Variants in MTUS2 observed in about 807,000 individuals in gnomAD.
MTUS2 encodes the protein microtubule associated scaffold protein 2.
MTUS2 carries 40 observed loss-of-function variants against 114.1 expected under a neutral mutation model. That is an observed-to-expected ratio of 0.35 (90% confidence interval 0.27 to 0.46). MTUS2 has a LOEUF of 0.46. MTUS2 is among the 20% of genes least tolerant of loss of function. MTUS2 has a pLI of 1.00. For synonymous variants in MTUS2, 688 were observed against 672.0 expected (o/e 1.02, Z -0.37); for missense variants, 1,679 against 1,705.4 (o/e 0.98, Z 0.27).
intron 2 of MTUS2, among the ~76,000 whole-genome samples, chr13:29,022,055 A>G (rs1232528222): frequency 1.3e-5 from 2 of 152,194 alleles, no homozygotes; most frequent in Non-Finnish European, 2.9e-5. Flanking sequence ...GCAAGCGCAC[A>G]TGCACATGTA....
intron 5 of MTUS2, among the ~76,000 whole-genome samples, chr13:29,235,109 T>A (rs1373925495): frequency 6.6e-6 from 1 of 152,142 alleles, no homozygotes; most frequent in Non-Finnish European, 1.5e-5. Flanking sequence ...TTAATTAATT[T>A]TTTTGAGACC....
chr13:29,314,042 TAA>T (rs923933333), intron 6 of MTUS2, among the ~76,000 whole-genome samples: 1 of 150,734 alleles, frequency 6.6e-6, no homozygotes, highest in Non-Finnish European at 1.5e-5. Context: ...TTCAGGAACT[TAA>T]AAAAAAATGT....
At chr13:29,167,932 A>T (rs369842296) in intron 5 of MTUS2, among the ~76,000 whole-genome samples, 30 of 152,358 alleles carry the variant, frequency 2.0e-4, no homozygotes, top group Non-Finnish European at 3.4e-4. Context: ...AGTACATGAC[A>T]GGCAAGAGGA....
intron 5 of MTUS2, among the ~76,000 whole-genome samples, chr13:29,268,547 G>A (rs865860853): frequency 2.0e-5 from 3 of 152,004 alleles, no homozygotes; most frequent in Admixed American, 1.3e-4. Context: ...TTGCTGGCCC[G>A]AGCCCTGCCC....
At chr13:28,855,663 C>G (rs1392186432) in intron 2 of MTUS2, among the ~76,000 whole-genome samples, 1 of 152,100 alleles carries the variant, frequency 6.6e-6, no homozygotes, top group African/African-American at 2.4e-5. Context: ...TTTTCTTTAT[C>G]CAGTCTATCA....
chr13:29,050,128 A>G (rs1887822370), intron 4 of MTUS2, among the ~76,000 whole-genome samples: 1 of 152,046 alleles, frequency 6.6e-6, no homozygotes, highest in Admixed American at 6.5e-5. Flanking sequence ...CCTACACACA[A>G]CTGCTAGGCC....
At chr13:28,898,904 TG>T (rs1471737802) in intron 2 of MTUS2, among the ~76,000 whole-genome samples, 1 of 152,220 alleles carries the variant, frequency 6.6e-6, no homozygotes, top group Non-Finnish European at 1.5e-5. Context: ...GCCTGCCATA[TG>T]GGTGCTTAAG....
intron 5 of MTUS2, among the ~76,000 whole-genome samples, chr13:29,227,732 C>T (rs1896167737): frequency 6.6e-6 from 1 of 152,204 alleles, no homozygotes; most frequent in South Asian, 2.1e-4. Flanking sequence ...CTGTTGCACA[C>T]TCCACCAAAC....
intron 2 of MTUS2, among the ~76,000 whole-genome samples, chr13:28,873,028 A>G (rs911183810): frequency 1.3e-5 from 2 of 152,252 alleles, no homozygotes; most frequent in African/African-American, 2.4e-5. Flanking sequence ...AGGCAATGAA[A>G]TGATGTCTTT....
At chr13:28,827,764 C>A (rs1874369016) in intron 1 of MTUS2, among the ~76,000 whole-genome samples, 1 of 152,114 alleles carries the variant, frequency 6.6e-6, no homozygotes, top group South Asian at 2.1e-4. Context: ...GCCGCAAAAC[C>A]AGCAAGTTTT....
chr13:29,481,363 C>T (rs1267594124), intron 10 of MTUS2, among the ~76,000 whole-genome samples: 1 of 152,146 alleles, frequency 6.6e-6, no homozygotes, highest in African/African-American at 2.4e-5. Context: ...GTGTACCCCC[C>T]ACCACCACCC....
chr13:28,967,613 G>C (rs1325712738), intron 2 of MTUS2, among the ~76,000 whole-genome samples: 1 of 152,252 alleles, frequency 6.6e-6, no homozygotes, highest in Non-Finnish European at 1.5e-5. Context: ...CAAAAGTACT[G>C]TCTGCTTGGG....
intron 2 of MTUS2, among the ~76,000 whole-genome samples, chr13:28,981,708 C>T (rs1229779222): frequency 1.3e-5 from 2 of 152,146 alleles, no homozygotes; most frequent in Non-Finnish European, 2.9e-5. Context: ...GGCAATGGGC[C>T]TCCTGCCCAG....
chr13:29,287,141 T>C (rs1042810626), intron 6 of MTUS2, among the ~76,000 whole-genome samples: 6 of 152,240 alleles, frequency 3.9e-5, no homozygotes, highest in Admixed American at 2.6e-4. Context: ...CACAATGGCA[T>C]CCAGAAATAA....
At chr13:29,177,767 C>T (rs961881087) in intron 5 of MTUS2, among the ~76,000 whole-genome samples, 1 of 152,238 alleles carries the variant, frequency 6.6e-6, no homozygotes, top group Non-Finnish European at 1.5e-5. Flanking sequence ...ATAAGTTTAA[C>T]CCTTGGTACA....
At chr13:28,849,902 C>CT (rs1267686993) in intron 2 of MTUS2, among the ~76,000 whole-genome samples, 1 of 152,134 alleles carries the variant, frequency 6.6e-6, no homozygotes, top group Non-Finnish European at 1.5e-5. Flanking sequence ...CATAAAAAGT[C>CT]TTTAACAATC....
At position 29,503,469 on chromosome 13, in the gene MTUS2, T is replaced by C. The variant is rs1883047468; in HGVS notation, c.*263T>C. ...GACACTTGCAATTGTTCTTGAGCAA[T>C]GAACTTTCACTGCAGAATTTCAGGT... is the stretch of plus-strand genomic sequence containing the variant. On this transcript the variant is annotated 3_prime_UTR_variant, in exon 16 of 16. Transcript: ENST00000612955. The C allele has an allele frequency of 8.8e-6, 5 of 569,796 alleles. No individual in the cohort carries two copies. The East Asian group carries it at 1.5e-4, about 17-fold the overall frequency. 35.3% of individuals were successfully genotyped at this position (569,796 alleles called of 1,614,324 possible). A position where few individuals can be genotyped will look rare whatever the true frequency, so the allele number is the denominator to read the frequency against.
At position 29,414,323 on chromosome 13, in the gene MTUS2, GA is replaced by G. The variant is rs368874287; in HGVS notation, c.3118-25659del. Among the ~76,000 whole-genome samples, 912 of 100,360 alleles carry G rather than the reference GA, an allele frequency of 9.1e-3. 21 individuals carry two copies. Among genetic ancestry groups the G allele is most frequent in the African/African-American group, 0.034 (861 of 25,688 alleles). The allele number at this position is 100,360 out of a possible 152,430, so 65.8% of individuals were successfully genotyped here. A position where few individuals can be genotyped will look rare whatever the true frequency, so the allele number is the denominator to read the frequency against. Reference sequence around the variant, plus strand: ...ACTGTGGTGGGGTCGGGGGAGGGGGGAGGGATAGCATTGGGAGATATACCTA... The same window carrying G: ...ACTGTGGTGGGGTCGGGGGAGGGGGGGGGATAGCATTGGGAGATATACCTA... On this transcript the variant is annotated intron_variant, in intron 8 of 15. Transcript: ENST00000612955.
chr13:29,313,521 T>TA (rs1213439379), intron 6 of MTUS2, among the ~76,000 whole-genome samples: 2 of 152,038 alleles, frequency 1.3e-5, no homozygotes, highest in Non-Finnish European at 2.9e-5. Flanking sequence ...GGTTGGAGAT[T>TA]ATATAGAGAG....
Sources: gnomAD v4.1 joint callset for allele counts (sites outside exome capture counted in the v4.1 genomes callset) on GRCh38, gnomAD v4.1.1 for gene constraint, MANE v1.5 for transcripts, NCBI Gene and HGNC (gene_info 2026-07-23, HGNC 2026-07-21) for gene names.